The following LRBA variants were observed in gnomAD, a reference collection of about 807,000 sequenced individuals.
The protein encoded by LRBA is lipopolysaccharide-responsive and beige-like anchor protein.
A neutral mutation model predicts 330.0 loss-of-function variants in LRBA; 176 were observed. The observed-to-expected ratio is 0.53, with a 90% CI of 0.47 to 0.60. The LOEUF (loss-of-function observed/expected upper bound fraction) is 0.60. LRBA is among the 20% of genes least tolerant of loss of function. LRBA has a pLI of 0.00. For missense variants in LRBA, 3,259 were observed against 3,444.8 expected (o/e 0.95, Z 1.35); for synonymous variants, 1,230 against 1,193.0 (o/e 1.03, Z -0.64).
chr4:150,606,125 G>A (rs1774598051), intron 37 of LRBA, among the ~76,000 whole-genome samples: 1 of 151,960 alleles, frequency 6.6e-6, no homozygotes, highest in South Asian at 2.1e-4. Context: ...TTATTAGTTT[G>A]GACATTTGGC....
intron 53 of LRBA, among the ~76,000 whole-genome samples, chr4:150,287,801 C>G (rs1748322865): frequency 6.6e-6 from 1 of 152,144 alleles, no homozygotes; most frequent in African/African-American, 2.4e-5. Context: ...CATTTGATTC[C>G]AAGTTTTAAC....
intron 37 of LRBA, among the ~76,000 whole-genome samples, chr4:150,627,573 A>C (rs983448683): frequency 6.6e-6 from 1 of 152,044 alleles, no homozygotes; most frequent in Non-Finnish European, 1.5e-5. Flanking sequence ...AAAACTAAAT[A>C]GAAAGTATAT....
chr4:150,932,402 C>T (rs1734614944), intron 2 of LRBA, among the ~76,000 whole-genome samples: 1 of 144,638 alleles, frequency 6.9e-6, no homozygotes, highest in Admixed American at 6.9e-5. Context: ...AGGCAATGAA[C>T]AAAAAGGTAA....
intron 35 of LRBA, among the ~76,000 whole-genome samples, chr4:150,738,403 T>C (rs997659682): frequency 6.6e-6 from 1 of 152,136 alleles, no homozygotes; most frequent in Non-Finnish European, 1.5e-5. Flanking sequence ...AGGAAAACTT[T>C]TCCTCATCAT....
rs1375522366 is a variant in LRBA at position 151,014,771 on chromosome 4, A to AG, written c.-130dup. ...CCAACTTGTGGAGATACCCCAAAGCAGTTGATGTGGAAAGTCCTTGGCGTC... is the reference window on the plus strand; with the variant it reads ...CCAACTTGTGGAGATACCCCAAAGCAGGTTGATGTGGAAAGTCCTTGGCGTC... On this transcript the variant is annotated 5_prime_UTR_variant, in exon 2 of 57. Transcript: ENST00000651943. 3.2e-6 allele frequency: 2 copies of AG among 621,672 alleles called. No individual in the cohort carries two copies. Among genetic ancestry groups the AG allele is most frequent in the Non-Finnish European group, 5.6e-6 (2 of 354,936 alleles). The allele number at this position is 621,672 out of a possible 1,614,324, so 38.5% of individuals were successfully genotyped here. A position where few individuals can be genotyped will look rare whatever the true frequency, so the allele number is the denominator to read the frequency against.
intron 36 of LRBA, among the ~76,000 whole-genome samples, chr4:150,710,530 C>A (rs955222579): frequency 4.0e-5 from 6 of 150,382 alleles, no homozygotes; most frequent in African/African-American, 1.5e-4. Context: ...AATATTGGGT[C>A]AAAGTGAAAA....
intron 56 of LRBA, among the ~76,000 whole-genome samples, chr4:150,274,680 A>C (rs1746531489): frequency 6.6e-6 from 1 of 152,224 alleles, no homozygotes; most frequent in Non-Finnish European, 1.5e-5. Flanking sequence ...TACGCAAATA[A>C]ACTAGAAAAT....
chr4:150,270,485 G>C (rs1239266325), intron 56 of LRBA, among the ~76,000 whole-genome samples: 1 of 152,206 alleles, frequency 6.6e-6, no homozygotes, highest in Non-Finnish European at 1.5e-5. Flanking sequence ...GCTTAGAAGA[G>C]GCAAATTCAT....
intron 44 of LRBA, among the ~76,000 whole-genome samples, chr4:150,437,353 G>A (rs187331045): frequency 2.6e-4 from 40 of 151,494 alleles, no homozygotes; most frequent in African/African-American, 9.4e-4. Flanking sequence ...GGGAAAACAG[G>A]GTTAAGAAAC....
chr4:150,760,235 T>A (rs963210521), intron 35 of LRBA, among the ~76,000 whole-genome samples: 1 of 152,008 alleles, frequency 6.6e-6, no homozygotes, highest in African/African-American at 2.4e-5. Context: ...ACTAAAAGAG[T>A]AAAGAATTAG....
intron 9 of LRBA, among the ~76,000 whole-genome samples, chr4:150,911,387 G>A (rs373538013): frequency 6.1e-4 from 92 of 151,776 alleles, no homozygotes; most frequent in African/African-American, 2.2e-3. Flanking sequence ...GAGTGTTTTA[G>A]GTTTTTTTTA....
chr4:150,590,631 G>C, intron 39 of LRBA, 82 bp downstream of exon 39: 1 of 1,257,760 alleles, frequency 8.0e-7, no homozygotes, highest in East Asian at 2.3e-5. Context: ...GGTAGTCCTA[G>C]TGGTCACAGC....
chr4:150,346,385 T>C (rs1349953101), intron 48 of LRBA, among the ~76,000 whole-genome samples: 1 of 151,872 alleles, frequency 6.6e-6, no homozygotes, highest in African/African-American at 2.4e-5. Context: ...TACTTAGGAT[T>C]GTGGTAAAGA....
intron 47 of LRBA, among the ~76,000 whole-genome samples, chr4:150,371,423 C>A (rs1272753802): frequency 6.6e-6 from 1 of 151,966 alleles, no homozygotes; most frequent in Non-Finnish European, 1.5e-5. Context: ...AAACTCCTGA[C>A]CTCAGGTGAT....
chr4:151,012,167 G>C (rs1744935182), intron 2 of LRBA, among the ~76,000 whole-genome samples: 1 of 152,098 alleles, frequency 6.6e-6, no homozygotes, highest in Non-Finnish European at 1.5e-5. Context: ...CTTCTATCCA[G>C]GCACCTACTA....
At chr4:150,466,724 C>T (rs1333663452) in intron 44 of LRBA, among the ~76,000 whole-genome samples, 1 of 152,020 alleles carries the variant, frequency 6.6e-6, no homozygotes, top group Non-Finnish European at 1.5e-5. Flanking sequence ...AGGAAAAAGA[C>T]TGGATATTCC....
At chr4:150,558,931 AG>A (rs1561349260) in intron 40 of LRBA, among the ~76,000 whole-genome samples, 1 of 152,188 alleles carries the variant, frequency 6.6e-6, no homozygotes, top group Non-Finnish European at 1.5e-5. Context: ...ATAATTACAA[AG>A]GAAAAAATAA....
intron 34 of LRBA, among the ~76,000 whole-genome samples, chr4:150,770,906 C>T (rs1179526898): frequency 6.6e-6 from 1 of 152,150 alleles, no homozygotes; most frequent in Non-Finnish European, 1.5e-5. Context: ...TGAGGAATCT[C>T]TTGTATTCTA....
intron 22 of LRBA, among the ~76,000 whole-genome samples, chr4:150,858,641 T>C (rs773466747): frequency 8.5e-5 from 13 of 152,194 alleles, no homozygotes; most frequent in Non-Finnish European, 1.8e-4. Flanking sequence ...GTGATTTTCA[T>C]GCCTTAGTCC....
Sources: gnomAD v4.1 joint callset for allele counts (sites outside exome capture counted in the v4.1 genomes callset) on GRCh38, gnomAD v4.1.1 for gene constraint, MANE v1.5 for transcripts, NCBI Gene and HGNC (gene_info 2026-07-23, HGNC 2026-07-21) for gene names.